Variants in CEP350 observed in about 807,000 individuals in gnomAD.
CEP350 encodes centrosome-associated protein 350.
Under a neutral mutation model 331.8 loss-of-function variants are expected in CEP350, and 126 were observed. The ratio of observed to expected loss-of-function variants is 0.38; its 90% CI spans 0.33 to 0.44. The LOEUF is 0.44. Among genes scored for constraint, CEP350 ranks in the 20% least tolerant of loss-of-function variants. CEP350 has a pLI of 1.00. For synonymous variants in CEP350, 1,200 were observed against 1,259.5 expected (o/e 0.95, Z 1.00); for missense variants, 3,406 against 3,634.6 (o/e 0.94, Z 1.62).
At chr1:180,059,135 T>C (rs918291076) in intron 25 of CEP350, among the ~76,000 whole-genome samples, 2 of 152,180 alleles carry the variant, frequency 1.3e-5, no homozygotes, top group African/African-American at 4.8e-5. Context: ...CTTCTAGGCT[T>C]GAATTGGGTG....
intron 25 of CEP350, among the ~76,000 whole-genome samples, chr1:180,059,901 C>T (rs1325390410): frequency 6.6e-6 from 1 of 151,750 alleles, no homozygotes; most frequent in African/African-American, 2.4e-5. Context: ...TTTGATATTG[C>T]ATAATGAAGT....
In CEP350 at chr1:180,030,340, T is replaced by C. The variant is rs546116835; in HGVS notation, c.3551-980T>C. On this transcript the variant is annotated intron_variant, in intron 14 of 37. Coordinates refer to ENST00000367607, the MANE Select transcript of CEP350 (RefSeq NM_014810.5). ...GTATATATATACATATGTGTGTATA[T>C]ATAAACATAATATATATATAATATG... 2.2e-3 allele frequency among the ~76,000 whole-genome samples: 326 copies of C among 146,272 alleles called. 1 individual carries two copies. The highest frequency in any genetic ancestry group is 7.4e-3 in the African/African-American group (302 of 40,806).
chr1:180,093,435 C>T lies in CEP350; in HGVS notation c.7330C>T (p.Leu2444Phe). The T allele has an allele frequency of 1.2e-6, 2 of 1,601,260 alleles. No homozygotes were observed. Among genetic ancestry groups the T allele is most frequent in the Non-Finnish European group, 1.7e-6 (2 of 1,173,440 alleles). ...CAGTGAGTGCCTAAGTGAGAAAAGC[C>T]TTTCTATCCATAGCAATGTTCATTC... ...EISECLSEKS[L>F]SIHSNVHSDR... The change falls in exon 34 of 38, where the codon CTT becomes TTT. Residue 2444 changes from leucine (L) to phenylalanine (F), a missense_variant. Physicochemically the swap from Leu to Phe is conservative, Grantham distance 22. Around this residue, in one of 5 missense-constraint regions of CEP350, gnomAD observed 1,415 missense variants for 1,512.3 expected, o/e 0.94. Coordinates refer to ENST00000367607, the MANE Select transcript of CEP350 (RefSeq NM_014810.5).
At chr1:179,965,723 C>T (rs566457779) in intron 1 of CEP350, among the ~76,000 whole-genome samples, 7 of 144,324 alleles carry the variant, frequency 4.9e-5, no homozygotes, top group South Asian at 2.2e-4. Context: ...TGGGTTCAGG[C>T]GATACTCCTG....
intron 1 of CEP350, among the ~76,000 whole-genome samples, chr1:179,981,046 A>T (rs1490946445): frequency 3.3e-5 from 5 of 152,128 alleles, no homozygotes; most frequent in Non-Finnish European, 5.9e-5. Flanking sequence ...ACTAAAACAC[A>T]TTTCTCTAGG....
At chr1:180,086,301 T>A (rs1433678442) in intron 31 of CEP350, among the ~76,000 whole-genome samples, 1 of 152,034 alleles carries the variant, frequency 6.6e-6, no homozygotes, top group Non-Finnish European at 1.5e-5. Context: ...AACTGATGAG[T>A]TTGGATTTCA....
intron 1 of CEP350, among the ~76,000 whole-genome samples, chr1:179,975,170 A>G (rs1350554257): frequency 6.6e-6 from 1 of 152,190 alleles, no homozygotes; most frequent in Non-Finnish European, 1.5e-5. Flanking sequence ...GACAATGTGG[A>G]GATAATGAAA....
At chr1:180,039,786 G>C (rs1357987206) in intron 17 of CEP350, among the ~76,000 whole-genome samples, 1 of 148,714 alleles carries the variant, frequency 6.7e-6, no homozygotes, top group Non-Finnish European at 1.5e-5. Context: ...CAGTTTGTTA[G>C]TTTCAACAAC....
At chr1:180,033,780 A>G in intron 15 of CEP350, 82 bp from the exon 16 acceptor site, 23 of 1,364,242 alleles carry the variant, frequency 1.7e-5, no homozygotes, top group Non-Finnish European at 2.2e-5. Context: ...TAGTTTTTTT[A>G]TATGTTGTTC....
intron 18 of CEP350, 141 bp downstream of exon 18, chr1:180,041,389 C>A: frequency 1.4e-6 from 1 of 689,798 alleles, no homozygotes; most frequent in South Asian, 2.4e-5. Context: ...GGGATAATGC[C>A]ATGTAATTCG....
chr1:180,047,577 C>T (rs934729909), intron 21 of CEP350, among the ~76,000 whole-genome samples: 9 of 151,228 alleles, frequency 6.0e-5, no homozygotes, highest in Non-Finnish European at 4.4e-5. Flanking sequence ...GCCAACATAG[C>T]GAAGCCCCAT....
At chr1:180,005,402 C>T (rs1654188030) in intron 7 of CEP350, among the ~76,000 whole-genome samples, 1 of 151,900 alleles carries the variant, frequency 6.6e-6, no homozygotes, top group African/African-American at 2.4e-5. Context: ...TCTTGAGTAT[C>T]ACACCCCCGC....
At chr1:180,078,772 G>C in intron 29 of CEP350, 98 bp downstream of exon 29, 1 of 954,674 alleles carries the variant, frequency 1.0e-6, no homozygotes, top group Non-Finnish European at 1.6e-6. Context: ...AGTGTTAACT[G>C]TCACCATACT....
chr1:179,983,911 G>A (rs1464339112), intron 1 of CEP350, among the ~76,000 whole-genome samples: 5 of 152,166 alleles, frequency 3.3e-5, no homozygotes, highest in Admixed American at 6.5e-5. Context: ...AGAGCAGAAC[G>A]TTTAATCCTG....
chr1:180,091,422 T>C (rs2149126394), intron 33 of CEP350, among the ~76,000 whole-genome samples: 1 of 152,292 alleles, frequency 6.6e-6, no homozygotes, highest in African/African-American at 2.4e-5. Context: ...TCTGCATCTC[T>C]GAATTTCCCC....
At chr1:180,036,374 A>G (rs976625334) in intron 16 of CEP350, among the ~76,000 whole-genome samples, 2 of 152,222 alleles carry the variant, frequency 1.3e-5, no homozygotes, top group Non-Finnish European at 2.9e-5. Flanking sequence ...AAGTGGGTCA[A>G]ATGCTACCAA....
In CEP350 at chr1:179,959,188, G is replaced by A. The variant is rs7340029; in HGVS notation, c.-14+4046G>A. Among the ~76,000 whole-genome samples the A allele has an allele frequency of 4.2e-3, 647 of 152,374 alleles. 5 individuals carry two copies. The highest frequency in any genetic ancestry group is 0.015 in the African/African-American group (615 of 41,590). On this transcript the variant is annotated intron_variant, in intron 1 of 37. Transcript: ENST00000367607. ...GTTGATGGAAGGGCTGGGACTTGGT[G>A]GCTCACGCCTGTAATCCCAGCTCTT...
Position 180,014,200 on chromosome 1 carries a change from C to T in CEP350, c.1747C>T (p.Pro583Ser). The change falls in exon 10 of 38, where the codon CCT (proline) becomes TCT (serine). Residue 583 changes from proline (P) to serine (S), a missense_variant. Physicochemically the swap from Pro to Ser is moderately conservative, Grantham distance 74. Coordinates refer to ENST00000367607, the MANE Select transcript of CEP350 (RefSeq NM_014810.5). ...PDKITANEDP[P>S]VISKRRHYDT... ...CAAAATAACAGCTAATGAAGATCCC[C>T]CTGTTATTTCCAAAAGGCGCCACTA... is the stretch of plus-strand genomic sequence containing the variant. 2 of 1,610,016 alleles carry T rather than the reference C, an allele frequency of 1.2e-6. No individual in the cohort carries two copies. The highest frequency in any genetic ancestry group is 1.3e-5 in the African/African-American group (1 of 74,908).
intron 30 of CEP350, 37 bp downstream of exon 30, chr1:180,080,698 A>G: frequency 6.3e-7 from 1 of 1,578,690 alleles, no homozygotes; most frequent in Admixed American, 1.7e-5. Flanking sequence ...TTTGTGTTGT[A>G]TTTGAACAGC....
Sources: gnomAD v4.1 joint callset for allele counts (sites outside exome capture counted in the v4.1 genomes callset) on GRCh38, gnomAD v4.1.1 for gene constraint, gnomAD v4.1.1 regional missense constraint, MANE v1.5 for transcripts, NCBI Gene and HGNC (gene_info 2026-07-23, HGNC 2026-07-21) for gene names.